Variants in SEMA3A observed in about 807,000 individuals in gnomAD.
SEMA3A encodes semaphorin 3A, also known as semaphorin-3A.
SEMA3A carries 29 observed loss-of-function variants against 97.9 expected under a neutral mutation model. The ratio of observed to expected loss-of-function variants is 0.30; its 90% CI spans 0.22 to 0.40. The LOEUF is 0.40. SEMA3A is among the 10% of genes least tolerant of loss of function. The probability of loss-of-function intolerance (pLI) is 1.00; values close to 1 mark genes in which losing one functional copy is unlikely to be tolerated. For synonymous variants in SEMA3A, 321 were observed against 323.7 expected, an observed-to-expected ratio of 0.99 and a Z score of 0.09; for missense variants, 763 against 951.3, an observed-to-expected ratio of 0.80 and a Z score of 2.60.
intron 5 of SEMA3A, among the ~76,000 whole-genome samples, chr7:84,052,594 TTC>T (rs1243619088): frequency 6.6e-6 from 1 of 152,116 alleles, no homozygotes; most frequent in South Asian, 2.1e-4. Context: ...TATTTGATTC[TTC>T]TCTCTTTTTT....
chr7:83,984,305 G>A (rs1272803746), intron 13 of SEMA3A, among the ~76,000 whole-genome samples: 1 of 152,086 alleles, frequency 6.6e-6, no homozygotes, highest in African/African-American at 2.4e-5. Flanking sequence ...GAGAACAGAT[G>A]AACACATACT....
At chr7:84,062,734 C>T (rs946250271) in intron 4 of SEMA3A, among the ~76,000 whole-genome samples, 2 of 152,174 alleles carry the variant, frequency 1.3e-5, no homozygotes, top group South Asian at 2.1e-4. Flanking sequence ...CGGCGCATCA[C>T]GAGATTATAT....
Position 84,186,295 on chromosome 7 carries a change from T to C in SEMA3A, c.112+8180A>G, listed in dbSNP as rs550812709. ...TTCACTTTATTTATCCAAGAATCTA[T>C]TCATAAAGAAATCTGACAGATGAGT... is the stretch of plus-strand genomic sequence containing the variant. On this transcript the variant is annotated intron_variant, in intron 1 of 16. Coordinates refer to ENST00000265362, the MANE Select transcript of SEMA3A (RefSeq NM_006080.3). Among the ~76,000 whole-genome samples the C allele has an allele frequency of 3.9e-5, 6 of 152,178 alleles. No homozygotes were observed. The East Asian group carries it at 5.8e-4, about 15-fold the overall frequency.
At chr7:84,464,123 C>A (rs576190591) in intron 1 of SEMA3A, among the ~76,000 whole-genome samples, 27 of 152,258 alleles carry the variant, frequency 1.8e-4, no homozygotes, top group African/African-American at 6.3e-4. Context: ...CTTTTAAGCT[C>A]AGGAGAGACA....
chr7:84,177,751 C>A (rs1797613925), intron 1 of SEMA3A, among the ~76,000 whole-genome samples: 1 of 152,138 alleles, frequency 6.6e-6, no homozygotes, highest in East Asian at 1.9e-4. Context: ...AGGAAAGTTT[C>A]TCTTCCTGAA....
intron 15 of SEMA3A, among the ~76,000 whole-genome samples, chr7:83,965,661 TATA>T (rs1788662989): frequency 7.1e-4 from 9 of 12,758 alleles, no homozygotes; most frequent in Admixed American, 9.3e-4. Flanking sequence ...TATATATATA[TATA>T]TATTTTTTTT....
Position 84,184,566 on chromosome 7 carries a change from A to G in SEMA3A, c.112+9909T>C, listed in dbSNP as rs192777216. 2.2e-3 allele frequency among the ~76,000 whole-genome samples: 341 copies of G among 152,276 alleles called. 2 individuals are homozygous for G. Among genetic ancestry groups the G allele is most frequent in the Non-Finnish European group, 4.0e-3 (270 of 67,998 alleles). On this transcript the variant is annotated intron_variant, in intron 1 of 16. Transcript: ENST00000265362. ...GATTTATTTGGAGAAGTCAAAAGAT[A>G]TAGACTGAAGTACTACCAGGTAAAA...
chr7:84,141,558 C>A (rs1479240056), intron 1 of SEMA3A, among the ~76,000 whole-genome samples: 1 of 152,100 alleles, frequency 6.6e-6, no homozygotes, highest in African/African-American at 2.4e-5. Context: ...AGGTTTGTTA[C>A]ATAGGTAAAC....
intron 3 of SEMA3A, among the ~76,000 whole-genome samples, chr7:84,281,798 G>C (rs1416032953): frequency 3.9e-5 from 6 of 152,076 alleles, no homozygotes; most frequent in Non-Finnish European, 7.4e-5. Context: ...GGGAAAATGT[G>C]GATAGGCATA....
intron 4 of SEMA3A, among the ~76,000 whole-genome samples, chr7:84,104,324 G>C (rs533864906): frequency 6.6e-6 from 1 of 151,988 alleles, no homozygotes; most frequent in Non-Finnish European, 1.5e-5. Flanking sequence ...TACTTTACCT[G>C]GCAATAGGTA....
In SEMA3A at chr7:83,959,483, C is replaced by T. The variant is rs1369962171; in HGVS notation, c.*1888G>A. ...TATACAGTACTTCCAAAAGCAACAC[C>T]ATATTAGTCAATGGAGCCTAAAATT... is the stretch of plus-strand genomic sequence containing the variant. On this transcript the variant is annotated 3_prime_UTR_variant, in exon 17 of 17. Coordinates refer to ENST00000265362, the MANE Select transcript of SEMA3A (RefSeq NM_006080.3). 3 of 152,008 alleles carry T rather than the reference C, an allele frequency of 2.0e-5. No individual in the cohort carries two copies. The allele number at this position is 152,008 out of a possible 1,614,324, so 9.4% of individuals were successfully genotyped here. A position where few individuals can be genotyped will look rare whatever the true frequency, so the allele number is the denominator to read the frequency against.
At chr7:84,432,877 T>TG (rs1268992342) in intron 1 of SEMA3A, among the ~76,000 whole-genome samples, 1 of 147,812 alleles carries the variant, frequency 6.8e-6, no homozygotes, top group Non-Finnish European at 1.5e-5. Flanking sequence ...TTTTTTTTTT[T>TG]GTAGAACAAT....
At position 84,086,546 on chromosome 7, in the gene SEMA3A, A is replaced by G. The variant is rs1430635137; in HGVS notation, c.453+23924T>C. ...TATAATATATTATTATATTATATTT[A>G]CATATAATATATTATTATATTATAT... On this transcript the variant is annotated intron_variant, in intron 4 of 16. Coordinates refer to ENST00000265362, the MANE Select transcript of SEMA3A (RefSeq NM_006080.3). Among the ~76,000 whole-genome samples the G allele has an allele frequency of 1.5e-4, 9 of 59,056 alleles. No individual in the cohort carries two copies. In the Admixed American group the frequency reaches 1.9e-3, roughly 13 times the overall value. 38.7% of individuals were successfully genotyped at this position (59,056 alleles called of 152,430 possible).
intron 1 of SEMA3A, among the ~76,000 whole-genome samples, chr7:84,444,258 C>T (rs1224658481): frequency 1.3e-5 from 2 of 152,078 alleles, no homozygotes; most frequent in African/African-American, 4.8e-5. Flanking sequence ...TTGAAGAAAT[C>T]ATACAGGATC....
chr7:84,410,570 T>C (rs1426467527), intron 1 of SEMA3A, among the ~76,000 whole-genome samples: 2 of 152,184 alleles, frequency 1.3e-5, no homozygotes, highest in Non-Finnish European at 2.9e-5. Context: ...TGTATTTTTC[T>C]TTGTTTTCTG....
chr7:84,378,051 G>T (rs1405697782), intron 1 of SEMA3A, among the ~76,000 whole-genome samples: 1 of 151,980 alleles, frequency 6.6e-6, no homozygotes, highest in Admixed American at 6.6e-5. Context: ...CCAGAAGAGG[G>T]TTCCTCTCTT....
chr7:84,299,277 C>CAT (rs201847331), intron 3 of SEMA3A, among the ~76,000 whole-genome samples: 1,554 of 135,146 alleles, frequency 0.011, 57 homozygotes, highest in African/African-American at 0.032. Flanking sequence ...TATATATCTC[C>CAT]ATATATATAT....
At chr7:84,172,570 C>T (rs1161071038) in intron 1 of SEMA3A, among the ~76,000 whole-genome samples, 2 of 152,012 alleles carry the variant, frequency 1.3e-5, no homozygotes, top group Non-Finnish European at 2.9e-5. Context: ...TACAGGCATC[C>T]GCCACCACGC....
At chr7:84,128,276 G>C (rs1197837095) in intron 3 of SEMA3A, among the ~76,000 whole-genome samples, 4 of 151,534 alleles carry the variant, frequency 2.6e-5, no homozygotes, top group African/African-American at 9.7e-5. Context: ...AGAAAGAAAG[G>C]ATGAAAGGAA....
Sources: gnomAD v4.1 joint callset for allele counts (sites outside exome capture counted in the v4.1 genomes callset) on GRCh38, gnomAD v4.1.1 for gene constraint, MANE v1.5 for transcripts, NCBI Gene and HGNC (gene_info 2026-07-23, HGNC 2026-07-21) for gene names.